VAV3: variants seen among roughly 807,000 people sequenced by gnomAD.
VAV3 encodes vav guanine nucleotide exchange factor 3, also known as guanine nucleotide exchange factor VAV3.
In VAV3, 94 loss-of-function variants were observed where a neutral mutation model predicts 131.2. The observed-to-expected ratio is 0.72, with a 90% CI of 0.61 to 0.85. The LOEUF (loss-of-function observed/expected upper bound fraction) is 0.85. Among genes scored for constraint, VAV3 ranks in the 40% least tolerant of loss-of-function variants. VAV3 has a pLI of 0.00. For missense variants in VAV3, 939 were observed against 1,002.7 expected, an observed-to-expected ratio of 0.94 and a Z score of 0.86; for synonymous variants, 349 against 342.0, an observed-to-expected ratio of 1.02 and a Z score of -0.22.
At chr1:107,670,362 C>T (rs1035525786) in intron 19 of VAV3, among the ~76,000 whole-genome samples, 5 of 152,216 alleles carry the variant, frequency 3.3e-5, no homozygotes, top group African/African-American at 4.8e-5. Flanking sequence ...TCTTAACCAA[C>T]ACACTCTACT....
At chr1:107,703,073 T>C (rs1221820683) in intron 17 of VAV3, among the ~76,000 whole-genome samples, 1 of 152,082 alleles carries the variant, frequency 6.6e-6, no homozygotes, top group Non-Finnish European at 1.5e-5. Context: ...ATGCCAACTA[T>C]GGGATCATTT....
intron 20 of VAV3, among the ~76,000 whole-genome samples, chr1:107,631,416 G>A (rs1263069623): frequency 6.6e-6 from 1 of 151,824 alleles, no homozygotes; most frequent in Non-Finnish European, 1.5e-5. Context: ...GAAATTTGGA[G>A]ACATCTAAAT....
chr1:107,731,383 TGAAA>T (rs1479264228), intron 15 of VAV3, among the ~76,000 whole-genome samples: 1 of 152,224 alleles, frequency 6.6e-6, no homozygotes, highest in Non-Finnish European at 1.5e-5. Context: ...GCTACGTTAA[TGAAA>T]GAATCTTCCT....
In VAV3 at chr1:107,890,286, C is replaced by A. The variant is rs531075738; in HGVS notation, c.205-15269G>T. Among the ~76,000 whole-genome samples, 52 of 152,182 alleles carry A rather than the reference C, an allele frequency of 3.4e-4. No individual in the cohort carries two copies. In the South Asian group the frequency reaches 6.6e-3, roughly 19 times the overall value. On this transcript the variant is annotated intron_variant, in intron 1 of 26. Transcript: ENST00000370056. ...TACACATACAAACATATGTAATTTTCTTAATAAATACCACTACTTCTATGT... is the reference window on the plus strand; with the variant it reads ...TACACATACAAACATATGTAATTTTATTAATAAATACCACTACTTCTATGT...
chr1:107,869,788 C>A (rs1341828312), intron 2 of VAV3, among the ~76,000 whole-genome samples: 1 of 152,082 alleles, frequency 6.6e-6, no homozygotes, highest in Non-Finnish European at 1.5e-5. Context: ...GTCTTTTATC[C>A]CTCACCTCCT....
chr1:107,922,065 T>C (rs1374156104), intron 1 of VAV3, among the ~76,000 whole-genome samples: 1 of 152,190 alleles, frequency 6.6e-6, no homozygotes, highest in African/African-American at 2.4e-5. Context: ...AATTAGATTA[T>C]GTATCTCCTT....
At chr1:107,699,307 C>G (rs527236745) in intron 17 of VAV3, among the ~76,000 whole-genome samples, 6 of 152,386 alleles carry the variant, frequency 3.9e-5, no homozygotes, top group African/African-American at 1.2e-4. Flanking sequence ...CCATGCAAGT[C>G]TGAAATCCAG....
chr1:107,603,578 C>CT (rs1354630178), intron 22 of VAV3, among the ~76,000 whole-genome samples: 2 of 151,976 alleles, frequency 1.3e-5, no homozygotes, highest in Admixed American at 6.6e-5. Flanking sequence ...CTTTAAGTAT[C>CT]TTTTTAAAGA....
At chr1:107,915,855 A>C (rs1351450744) in intron 1 of VAV3, among the ~76,000 whole-genome samples, 1 of 152,206 alleles carries the variant, frequency 6.6e-6, no homozygotes, top group East Asian at 1.9e-4. Flanking sequence ...TGAGTTGTGA[A>C]GAAAACAGAA....
intron 1 of VAV3, among the ~76,000 whole-genome samples, chr1:107,893,863 G>A (rs1410207403): frequency 6.6e-6 from 1 of 152,096 alleles, no homozygotes; most frequent in Non-Finnish European, 1.5e-5. Flanking sequence ...TCCTGGGTAG[G>A]CTATTATGTT....
Position 107,749,146 on chromosome 1 carries a change from C to T in VAV3, c.1393-69G>A. 2.7e-6 allele frequency: 3 copies of T among 1,127,948 alleles called. No individual in the cohort carries two copies. In the South Asian group the frequency reaches 4.3e-5, roughly 16 times the overall value. 69.9% of individuals were successfully genotyped at this position (1,127,948 alleles called of 1,614,324 possible). A position where few individuals can be genotyped will look rare whatever the true frequency, so the allele number is the denominator to read the frequency against. The stretch of plus-strand genomic sequence containing the variant: ...ACATGTTTCTAAATTCACAAGAATA[C>T]CACAACTATCCAAAAACTCCTCACA... On this transcript the variant is annotated intron_variant, in intron 14 of 26. Transcript: ENST00000370056.
At chr1:107,859,878 A>C (rs1669656871) in intron 2 of VAV3, among the ~76,000 whole-genome samples, 1 of 152,226 alleles carries the variant, frequency 6.6e-6, no homozygotes, top group Non-Finnish European at 1.5e-5. Flanking sequence ...GAAAACTAGT[A>C]AAATTTGATA....
At chr1:107,926,861 C>T (rs1673183268) in intron 1 of VAV3, among the ~76,000 whole-genome samples, 1 of 152,160 alleles carries the variant, frequency 6.6e-6, no homozygotes, top group African/African-American at 2.4e-5. Flanking sequence ...ACTTGAAAGG[C>T]AGTCTAGACC....
intron 21 of VAV3, among the ~76,000 whole-genome samples, chr1:107,613,763 T>C (rs1557704049): frequency 6.6e-6 from 1 of 152,170 alleles, no homozygotes; most frequent in Non-Finnish European, 1.5e-5. Flanking sequence ...GACTTTATGT[T>C]AAAAATCCTT....
intron 24 of VAV3, among the ~76,000 whole-genome samples, 168 bp downstream of exon 24, chr1:107,602,229 G>A (rs958912592): frequency 2.0e-5 from 3 of 151,996 alleles, no homozygotes; most frequent in Non-Finnish European, 4.4e-5. Context: ...ATAAAACTTA[G>A]AGATTTATAA....
At chr1:107,840,613 A>G (rs1668658581) in intron 2 of VAV3, among the ~76,000 whole-genome samples, 1 of 152,200 alleles carries the variant, frequency 6.6e-6, no homozygotes, top group South Asian at 2.1e-4. Context: ...GGAAGTGCTC[A>G]AAGTTAACGT....
At chr1:107,664,680 AG>A (rs1240242333) in intron 19 of VAV3, among the ~76,000 whole-genome samples, 1 of 152,160 alleles carries the variant, frequency 6.6e-6, no homozygotes, top group African/African-American at 2.4e-5. Flanking sequence ...GAAAGATTGC[AG>A]AAAGTAGATG....
At chr1:107,839,090 T>A (rs752327623) in intron 2 of VAV3, among the ~76,000 whole-genome samples, 1 of 151,798 alleles carries the variant, frequency 6.6e-6, no homozygotes, top group African/African-American at 2.4e-5. Context: ...TACCCCCAAA[T>A]CTAAAATAAA....
At chr1:107,896,832 T>C (rs1045246439) in intron 1 of VAV3, among the ~76,000 whole-genome samples, 4 of 152,206 alleles carry the variant, frequency 2.6e-5, no homozygotes, top group Non-Finnish European at 5.9e-5. Flanking sequence ...AGGGGAAATA[T>C]GAAACATTTG....
Sources: allele counts gnomAD v4.1 joint callset (sites outside exome capture counted in the v4.1 genomes callset), GRCh38; gene constraint gnomAD v4.1.1; transcripts MANE v1.5; gene names NCBI Gene and HGNC (gene_info 2026-07-23, HGNC 2026-07-21).